The following SGCZ variants were observed in gnomAD, a reference collection of about 807,000 sequenced individuals.
SGCZ encodes the protein sarcoglycan zeta.
In SGCZ, 40 loss-of-function variants were observed where a neutral mutation model predicts 41.3. The observed-to-expected ratio is 0.97, with a 90% CI of 0.75 to 1.26. The LOEUF is 1.26. Among genes scored for constraint, SGCZ ranks in the 50% most tolerant of loss-of-function variants. The pLI is 0.00. For synonymous variants in SGCZ, 206 were observed against 137.5 expected (o/e 1.50, Z -3.49); for missense variants, 552 against 369.8 (o/e 1.49, Z -4.04).
At chr8:14,596,690 G>A (rs1805423905) in intron 1 of SGCZ, among the ~76,000 whole-genome samples, 2 of 152,152 alleles carry the variant, frequency 1.3e-5, no homozygotes, top group East Asian at 3.9e-4. Flanking sequence ...GGGAAGGGGA[G>A]GGAGAGCATT....
chr8:15,023,850 G>T (rs1209819254), intron 1 of SGCZ, among the ~76,000 whole-genome samples: 1 of 152,128 alleles, frequency 6.6e-6, no homozygotes, highest in African/African-American at 2.4e-5. Context: ...ATTTTTCAAA[G>T]TTAACCTGAC....
At chr8:15,136,445 G>C (rs917176030) in intron 1 of SGCZ, among the ~76,000 whole-genome samples, 1 of 151,742 alleles carries the variant, frequency 6.6e-6, no homozygotes, top group Non-Finnish European at 1.5e-5. Context: ...AAGTAGGAGA[G>C]ACTGTGGGGA....
At chr8:15,058,828 G>T (rs939607524) in intron 1 of SGCZ, among the ~76,000 whole-genome samples, 1 of 151,938 alleles carries the variant, frequency 6.6e-6, no homozygotes, top group Non-Finnish European at 1.5e-5. Flanking sequence ...AACTGCAATT[G>T]GAAAATATTT....
chr8:14,197,307 A>T (rs34394024), intron 4 of SGCZ, among the ~76,000 whole-genome samples: 36,228 of 152,018 alleles, frequency 0.24, 5,537 homozygotes, highest in Non-Finnish European at 0.34. Flanking sequence ...CACGAATGTT[A>T]CTCTGATACC....
At chr8:14,350,141 A>T (rs1803035765) in intron 2 of SGCZ, among the ~76,000 whole-genome samples, 1 of 151,162 alleles carries the variant, frequency 6.6e-6, no homozygotes, top group East Asian at 1.9e-4. Flanking sequence ...AAGGGCTTAG[A>T]GCTTAAAAAA....
chr8:14,806,670 C>G (rs1203075204), intron 1 of SGCZ, among the ~76,000 whole-genome samples: 1 of 152,112 alleles, frequency 6.6e-6, no homozygotes, highest in Non-Finnish European at 1.5e-5. Flanking sequence ...GAACTGGTAC[C>G]ATTCCTTCTG....
At chr8:15,198,967 T>C (rs1223083871) in intron 1 of SGCZ, among the ~76,000 whole-genome samples, 3 of 152,242 alleles carry the variant, frequency 2.0e-5, no homozygotes, top group East Asian at 3.9e-4. Context: ...TGTTGTTTAA[T>C]TCTTAACACA....
chr8:14,177,853 C>A (rs1415001875), intron 4 of SGCZ, among the ~76,000 whole-genome samples: 1 of 151,362 alleles, frequency 6.6e-6, no homozygotes, highest in Non-Finnish European at 1.5e-5. Flanking sequence ...TGCTTTGAAT[C>A]TGCTGTTTTT....
intron 1 of SGCZ, among the ~76,000 whole-genome samples, chr8:15,096,049 C>T (rs943822100): frequency 3.3e-5 from 5 of 151,960 alleles, no homozygotes; most frequent in East Asian, 1.9e-4. Context: ...TTAATCCATA[C>T]GAGAAGTAGT....
chr8:14,780,340 A>C (rs1421137730), intron 1 of SGCZ, among the ~76,000 whole-genome samples: 4 of 148,914 alleles, frequency 2.7e-5, no homozygotes, highest in Non-Finnish European at 4.4e-5. Context: ...GCGCCATTGC[A>C]CTCCAGCCTG....
chr8:14,736,376 TA>T (rs1226141703), intron 1 of SGCZ, among the ~76,000 whole-genome samples: 46 of 152,184 alleles, frequency 3.0e-4, no homozygotes, highest in African/African-American at 1.1e-3. Context: ...TATTAGTCGT[TA>T]GTTGTTGCAT....
chr8:15,143,237 G>A (rs199620764), intron 1 of SGCZ, among the ~76,000 whole-genome samples: 1 of 152,190 alleles, frequency 6.6e-6, no homozygotes, highest in African/African-American at 2.4e-5. Flanking sequence ...TTCTCCAGTA[G>A]AATGAGTGTT....
chr8:14,719,098 G>A (rs1466853560), intron 1 of SGCZ, among the ~76,000 whole-genome samples: 1 of 146,276 alleles, frequency 6.8e-6, no homozygotes, highest in Admixed American at 7.2e-5. Flanking sequence ...GTGAGAATAT[G>A]CGGTGTTTGG....
chr8:14,991,330 A>G (rs1802007139), intron 1 of SGCZ, among the ~76,000 whole-genome samples: 1 of 152,150 alleles, frequency 6.6e-6, no homozygotes, highest in Non-Finnish European at 1.5e-5. Flanking sequence ...ACCACCAAGG[A>G]GTTTGTTGAA....
chr8:15,144,718 A>G (rs988484564), intron 1 of SGCZ, among the ~76,000 whole-genome samples: 1 of 152,190 alleles, frequency 6.6e-6, no homozygotes, highest in Non-Finnish European at 1.5e-5. Flanking sequence ...TGGCCTCCCA[A>G]AGTGCTGGGG....
intron 1 of SGCZ, among the ~76,000 whole-genome samples, chr8:14,593,804 G>C (rs1805315776): frequency 6.6e-6 from 1 of 152,180 alleles, no homozygotes; most frequent in Non-Finnish European, 1.5e-5. Flanking sequence ...GAATTTGGTT[G>C]AAAGGGTACT....
At chr8:14,379,141 A>G (rs1272811239) in intron 2 of SGCZ, among the ~76,000 whole-genome samples, 1 of 152,174 alleles carries the variant, frequency 6.6e-6, no homozygotes, top group Non-Finnish European at 1.5e-5. Context: ...AAGTAGGAAA[A>G]AATCCATTAG....
At position 14,801,357 on chromosome 8, in the gene SGCZ, G is replaced by GA. The variant is rs1300310254; in HGVS notation, c.40-246432dup. Reference sequence around the variant, plus strand: ...TAAGGAAATGAATCATTTTTATGAGGAAAAAATCCTATGAAGTATGGTAAG... The same window carrying GA: ...TAAGGAAATGAATCATTTTTATGAGGAAAAAAATCCTATGAAGTATGGTAAG... On this transcript the variant is annotated intron_variant, in intron 1 of 7. Transcript: ENST00000382080. Among the ~76,000 whole-genome samples, 7 of 152,166 alleles carry GA rather than the reference G, an allele frequency of 4.6e-5. No homozygotes were observed. In the East Asian group the frequency reaches 1.4e-3, roughly 29 times the overall value.
intron 3 of SGCZ, among the ~76,000 whole-genome samples, chr8:14,304,419 C>G (rs993015794): frequency 1.3e-5 from 2 of 152,204 alleles, no homozygotes; most frequent in African/African-American, 4.8e-5. Context: ...TACAGTAAAA[C>G]TTTGTCTCTA....
Sources: allele counts gnomAD v4.1 joint callset (sites outside exome capture counted in the v4.1 genomes callset), GRCh38; gene constraint gnomAD v4.1.1; transcripts MANE v1.5; gene names NCBI Gene and HGNC (gene_info 2026-07-23, HGNC 2026-07-21).